CDH23: variants seen among roughly 807,000 people sequenced by gnomAD.
The protein encoded by CDH23 is cadherin related 23, also known as cadherin-23.
A neutral mutation model predicts 317.1 loss-of-function variants in CDH23; 189 were observed. The observed-to-expected ratio is 0.60, with a 90% CI of 0.53 to 0.67. CDH23 has a LOEUF of 0.67. Among genes scored for constraint, CDH23 ranks in the 30% least tolerant of loss-of-function variants. CDH23 has a pLI of 0.00. For missense variants in CDH23, 4,401 were observed against 4,592.4 expected (o/e 0.96, Z 1.20); for synonymous variants, 1,839 against 1,876.8 (o/e 0.98, Z 0.52).
intron 8 of CDH23, among the ~76,000 whole-genome samples, chr10:71,575,420 A>G (rs1463502901): frequency 6.6e-6 from 1 of 152,174 alleles, no homozygotes; most frequent in Non-Finnish European, 1.5e-5. Context: ...AGATGGGGAA[A>G]ACAAGGCAGA....
chr10:71,725,595 A>G lies in CDH23; in HGVS notation c.3579+75A>G. The stretch of plus-strand genomic sequence containing the variant: ...CACAGCTAGAACAGAGAAGGCCATT[A>G]GTTGGCGCCTGGTGTGGGCAGGGCC... On this transcript the variant is annotated intron_variant, in intron 30 of 69. Coordinates refer to ENST00000224721, the MANE Select transcript of CDH23 (RefSeq NM_022124.6). 5.3e-6 allele frequency: 8 copies of G among 1,510,376 alleles called. No homozygotes were observed. In the South Asian group the frequency reaches 8.6e-5, roughly 16 times the overall value. The allele number at this position is 1,510,376 out of a possible 1,614,324, so 93.6% of individuals were successfully genotyped here.
At chr10:71,759,038 T>G in intron 38 of CDH23, among the ~76,000 whole-genome samples, 1 of 151,576 alleles carries the variant, frequency 6.6e-6, no homozygotes, top group South Asian at 2.1e-4. Context: ...CCAGGCAAAT[T>G]TTGGGTTGTT....
intron 3 of CDH23, among the ~76,000 whole-genome samples, chr10:71,484,882 G>A (rs1852259507): frequency 6.6e-6 from 1 of 151,998 alleles, no homozygotes; most frequent in Non-Finnish European, 1.5e-5. Context: ...GGACTTGAAT[G>A]AGCAACTTAC....
rs1017680037 is a variant in CDH23, at chr10:71,535,837, C to T, written c.429+24625C>T. Among the ~76,000 whole-genome samples the T allele has an allele frequency of 3.3e-5, 5 of 152,250 alleles. No homozygotes were observed. In the East Asian group the frequency reaches 5.8e-4, roughly 18 times the overall value. On this transcript the variant is annotated intron_variant, in intron 6 of 69. Transcript: ENST00000224721. ...GTGGCATTACATTTTCACTGTGCTC[C>T]GGCCCAGATGTGCTGCATAGGCAGC...
intron 8 of CDH23, among the ~76,000 whole-genome samples, chr10:71,574,807 G>T (rs1207372767): frequency 1.3e-5 from 2 of 152,146 alleles, no homozygotes; most frequent in Non-Finnish European, 2.9e-5. Flanking sequence ...GGCTGGGGCT[G>T]TGTCTCACAC....
chr10:71,585,426 G>T (rs1454784347), intron 9 of CDH23, among the ~76,000 whole-genome samples: 2 of 152,148 alleles, frequency 1.3e-5, no homozygotes, highest in Non-Finnish European at 2.9e-5. Context: ...CTGCCCTCTG[G>T]CAGCCACTAG....
In CDH23 at chr10:71,524,051, C is replaced by T. The variant is rs117618705; in HGVS notation, c.429+12839C>T. On this transcript the variant is annotated intron_variant, in intron 6 of 69. Coordinates refer to ENST00000224721, the MANE Select transcript of CDH23 (RefSeq NM_022124.6). ...GATCTTCCATTCCTAATTCATCCCT[C>T]CTCCCAATGCAGAAAGATTTTTCTG... is the stretch of plus-strand genomic sequence containing the variant. Among the ~76,000 whole-genome samples, 633 of 152,374 alleles carry T rather than the reference C, an allele frequency of 4.2e-3. 25 individuals carry two copies. In the East Asian group the frequency reaches 0.1, roughly 24 times the overall value.
chr10:71,711,801 T>C (rs914859999), intron 27 of CDH23: 2 of 152,104 alleles, frequency 1.3e-5, no homozygotes, highest in Non-Finnish European at 2.9e-5. Flanking sequence ...ATTCTGCCTG[T>C]CCGCTGTGGA....
intron 1 of CDH23, among the ~76,000 whole-genome samples, chr10:71,408,529 C>T (rs1848213444): frequency 6.6e-6 from 1 of 152,144 alleles, no homozygotes; most frequent in Non-Finnish European, 1.5e-5. Context: ...GTCTGAGTTA[C>T]CATGGGATGG....
chr10:71,734,376 G>T (rs371625996), intron 33 of CDH23, 35 bp downstream of exon 33: 2 of 1,571,294 alleles, frequency 1.3e-6, no homozygotes, highest in African/African-American at 2.7e-5. Context: ...CCTCAGGTGC[G>T]GCCCATCGCT....
At chr10:71,600,970 T>C (rs1860181952) in intron 9 of CDH23, among the ~76,000 whole-genome samples, 1 of 152,240 alleles carries the variant, frequency 6.6e-6, no homozygotes, top group Non-Finnish European at 1.5e-5. Context: ...TGACTCATAC[T>C]CACTCGAACC....
intron 3 of CDH23, among the ~76,000 whole-genome samples, chr10:71,504,935 G>A (rs1853552427): frequency 6.6e-6 from 1 of 152,198 alleles, no homozygotes; most frequent in Non-Finnish European, 1.5e-5. Flanking sequence ...CCTGCAGGGA[G>A]AGTGGGGGCT....
chr10:71,723,969 G>A (rs1866688124), intron 28 of CDH23, 76 bp from the exon 29 acceptor site: 2 of 1,509,074 alleles, frequency 1.3e-6, no homozygotes, highest in Admixed American at 3.9e-5. Flanking sequence ...TGAAGGGAAG[G>A]AAAGGAACTC....
chr10:71,809,426 G>A lies in CDH23; in HGVS notation c.8723-394G>A, dbSNP rs188443305. Among the ~76,000 whole-genome samples the A allele has an allele frequency of 1.1e-3, 170 of 152,126 alleles. 1 individual carries two copies. The highest frequency in any genetic ancestry group is 1.8e-3 in the Non-Finnish European group (123 of 67,980). On this transcript the variant is annotated intron_variant, in intron 60 of 69. Transcript: ENST00000224721. ...ACTCCTGGCCTCAAGTGATCTGCCC[G>A]CCTCAGCCTCCCAAAGTGTTGAGAT...
Position 71,680,425 on chromosome 10 carries a change from TAGTTC to T in CDH23, c.1858+941_1858+945del, listed in dbSNP as rs370531206. On this transcript the variant is annotated intron_variant, in intron 17 of 69. Transcript: ENST00000224721. ...GTCATTCCTCCCACTACCCCACAGT[TAGTTC>T]AGTTCAGAGAAATGCCACTGTAGAA... Among the ~76,000 whole-genome samples the T allele has an allele frequency of 5.5e-3, 838 of 152,266 alleles. 6 individuals carry two copies. The highest frequency in any genetic ancestry group is 0.02 in the African/African-American group (811 of 41,542).
rs193059904 is a variant in CDH23, at chr10:71,705,216, C to T, written c.2953+86C>T. ...GGCAGGGGTAGAGGGGAGCCCATGT[C>T]CCCCACTGCTGTCTATTGGACTTGT... On this transcript the variant is annotated intron_variant, in intron 25 of 69. Coordinates refer to ENST00000224721, the MANE Select transcript of CDH23 (RefSeq NM_022124.6). 60 of 1,252,588 alleles carry T rather than the reference C, an allele frequency of 4.8e-5. 1 individual carries two copies. In the Admixed American group the frequency reaches 1.0e-3, roughly 22 times the overall value. 77.6% of individuals were successfully genotyped at this position (1,252,588 alleles called of 1,614,324 possible).
At chr10:71,780,019 A>G (rs1167221725) in intron 41 of CDH23, among the ~76,000 whole-genome samples, 1 of 152,232 alleles carries the variant, frequency 6.6e-6, no homozygotes. Flanking sequence ...GAGATGGTGT[A>G]GGAAAGAATC....
chr10:71,611,204 C>T (rs1431703230), intron 9 of CDH23, among the ~76,000 whole-genome samples: 5 of 152,112 alleles, frequency 3.3e-5, no homozygotes, highest in East Asian at 1.9e-4. Flanking sequence ...GAGGGGAGGA[C>T]GTGGAAGTGA....
chr10:71,749,807 A>T (rs573066960), intron 38 of CDH23: 1 of 151,908 alleles, frequency 6.6e-6, no homozygotes, highest in Non-Finnish European at 1.5e-5. Context: ...CCCCTTTTCC[A>T]TCCCCCCAAC....
Sources: allele counts gnomAD v4.1 joint callset (sites outside exome capture counted in the v4.1 genomes callset), GRCh38; gene constraint gnomAD v4.1.1; transcripts MANE v1.5; gene names NCBI Gene and HGNC (gene_info 2026-07-23, HGNC 2026-07-21).